Variants in CDH13 observed in about 807,000 individuals in gnomAD.
The protein encoded by CDH13 is cadherin 13, also known as cadherin-13.
CDH13 carries 24 observed loss-of-function variants against 63.8 expected under a neutral mutation model. That is an observed-to-expected ratio of 0.38 (90% CI 0.27 to 0.53). CDH13 has a LOEUF of 0.53. CDH13 is among the 20% of genes least tolerant of loss of function. CDH13 has a pLI of 0.85. For missense variants in CDH13, 1,049 were observed against 903.1 expected (o/e 1.16, Z -2.07); for synonymous variants, 503 against 355.3 (o/e 1.42, Z -4.67).
chr16:82,817,083 G>A (rs2037755543), intron 1 of CDH13, among the ~76,000 whole-genome samples: 2 of 152,096 alleles, frequency 1.3e-5, no homozygotes, highest in Non-Finnish European at 2.9e-5. Context: ...TGGTCAGATT[G>A]AGGCTAAGTT....
At chr16:83,247,260 A>C (rs1444238702) in intron 5 of CDH13, among the ~76,000 whole-genome samples, 2 of 152,180 alleles carry the variant, frequency 1.3e-5, no homozygotes, top group African/African-American at 4.8e-5. Flanking sequence ...GGTCCAGGAC[A>C]GGCTGTGAGT....
At chr16:83,255,193 A>T (rs1182226252) in intron 5 of CDH13, among the ~76,000 whole-genome samples, 1 of 152,180 alleles carries the variant, frequency 6.6e-6, no homozygotes, top group Non-Finnish European at 1.5e-5. Flanking sequence ...CCTTGAAACT[A>T]ATTGTGCCAA....
chr16:83,620,804 A>G (rs1909742904), intron 8 of CDH13, among the ~76,000 whole-genome samples: 1 of 152,124 alleles, frequency 6.6e-6, no homozygotes, highest in Non-Finnish European at 1.5e-5. Context: ...TGCAAACTCA[A>G]AGAGACGTCT....
intron 5 of CDH13, among the ~76,000 whole-genome samples, chr16:83,238,434 A>G (rs1361913663): frequency 6.6e-6 from 1 of 152,170 alleles, no homozygotes; most frequent in Non-Finnish European, 1.5e-5. Flanking sequence ...CCCATGATTC[A>G]ATTACCTCCC....
At chr16:83,282,744 C>T (rs1253841347) in intron 5 of CDH13, among the ~76,000 whole-genome samples, 1 of 152,164 alleles carries the variant, frequency 6.6e-6, no homozygotes, top group Non-Finnish European at 1.5e-5. Context: ...TCCTTTCCAG[C>T]AAACCTGGAC....
At chr16:83,523,920 C>T (rs1342600369) in intron 7 of CDH13, among the ~76,000 whole-genome samples, 3 of 152,200 alleles carry the variant, frequency 2.0e-5, no homozygotes, top group Non-Finnish European at 2.9e-5. Context: ...AATGAAGATT[C>T]ACCTTCTCTG....
Position 83,670,887 on chromosome 16 carries a change from ACACCAT to A in CDH13, c.1202_1207del (p.Thr401_Ile402del). 6.2e-7 allele frequency: 1 copy of A among 1,613,806 alleles called. No homozygotes were observed. Among genetic ancestry groups the A allele is most frequent in the Non-Finnish European group, 8.5e-7 (1 of 1,179,716 alleles). On this transcript the variant is annotated inframe_deletion, in exon 9 of 14. Transcript: ENST00000567109. ...ACCACAGGTGCATGGAGGGCTGCCT[ACACCAT>A]CATCAACGGAAACCCCGGGCAGAGC...
chr16:83,260,876 G>A (rs1468595549), intron 5 of CDH13, among the ~76,000 whole-genome samples: 1 of 152,076 alleles, frequency 6.6e-6, no homozygotes. Flanking sequence ...AGCATGCATA[G>A]CTCATAGCTC....
chr16:83,449,261 G>T (rs1457487414), intron 6 of CDH13, among the ~76,000 whole-genome samples: 5 of 152,134 alleles, frequency 3.3e-5, no homozygotes, highest in African/African-American at 1.2e-4. Context: ...GTTTCTTTGA[G>T]ACCTGAGATG....
chr16:83,599,923 G>T (rs905940418), intron 7 of CDH13, among the ~76,000 whole-genome samples: 4 of 152,136 alleles, frequency 2.6e-5, no homozygotes, highest in Non-Finnish European at 5.9e-5. Flanking sequence ...AGATTTTAAA[G>T]GTAGCCAATT....
In CDH13 at chr16:83,680,933, T is replaced by C. The variant is rs369083481; in HGVS notation, c.1538+2472T>C. 2.0e-5 allele frequency among the ~76,000 whole-genome samples: 3 copies of C among 152,130 alleles called. No individual in the cohort carries two copies. In the East Asian group the frequency reaches 5.8e-4, roughly 29 times the overall value. On this transcript the variant is annotated intron_variant, in intron 10 of 13. Coordinates refer to ENST00000567109, the MANE Select transcript of CDH13 (RefSeq NM_001257.5). ...TCTGCTCTCCCCTGGGTTGTCTCCA[T>C]CCTCAGCCATATTTGCACATCTGTA...
chr16:83,013,038 G>C (rs111951899), intron 2 of CDH13, among the ~76,000 whole-genome samples: 1 of 152,206 alleles, frequency 6.6e-6, no homozygotes, highest in Non-Finnish European at 1.5e-5. Flanking sequence ...ACTTGCCTGA[G>C]CACTTAGGTG....
intron 10 of CDH13, among the ~76,000 whole-genome samples, chr16:83,683,030 T>C (rs1279860253): frequency 1.3e-5 from 2 of 152,178 alleles, no homozygotes; most frequent in Non-Finnish European, 2.9e-5. Flanking sequence ...CAGGCACCAC[T>C]GCTCCTCGGC....
chr16:83,199,155 G>A (rs1413237965), intron 4 of CDH13, among the ~76,000 whole-genome samples: 4 of 152,356 alleles, frequency 2.6e-5, no homozygotes, highest in East Asian at 1.9e-4. Flanking sequence ...CCATTGTGTG[G>A]CACACATATC....
intron 1 of CDH13, among the ~76,000 whole-genome samples, chr16:82,636,503 C>G (rs1007525817): frequency 4.6e-5 from 7 of 152,178 alleles, no homozygotes; most frequent in African/African-American, 1.4e-4. Context: ...GAAACATTGC[C>G]AAGCCCTTTA....
chr16:83,438,760 A>G (rs115470556), intron 6 of CDH13, among the ~76,000 whole-genome samples: 1,686 of 152,330 alleles, frequency 0.011, 31 homozygotes, highest in African/African-American at 0.039. Context: ...TTGTCTGACA[A>G]TATTTCTTCT....
At chr16:83,538,022 C>G (rs1280378946) in intron 7 of CDH13, among the ~76,000 whole-genome samples, 2 of 152,196 alleles carry the variant, frequency 1.3e-5, no homozygotes, top group African/African-American at 4.8e-5. Context: ...AATATGTCCT[C>G]TATAAATTGC....
At chr16:83,461,215 C>T (rs2073173585) in intron 6 of CDH13, among the ~76,000 whole-genome samples, 1 of 151,970 alleles carries the variant, frequency 6.6e-6, no homozygotes, top group African/African-American at 2.4e-5. Context: ...GGTACATATA[C>T]ACATACATGT....
chr16:82,931,413 A>G (rs1246175227), intron 2 of CDH13, among the ~76,000 whole-genome samples: 10 of 152,210 alleles, frequency 6.6e-5, no homozygotes, highest in Non-Finnish European at 1.2e-4. Flanking sequence ...CTACTTTTCA[A>G]AATGCTTCAG....
Sources: allele counts gnomAD v4.1 joint callset (sites outside exome capture counted in the v4.1 genomes callset), GRCh38; gene constraint gnomAD v4.1.1; transcripts MANE v1.5; gene names NCBI Gene and HGNC (gene_info 2026-07-23, HGNC 2026-07-21).